KMT2C: variants seen among roughly 807,000 people sequenced by gnomAD.
KMT2C encodes histone-lysine N-methyltransferase 2C.
Under a neutral mutation model 507.9 loss-of-function variants are expected in KMT2C, and 88 were observed. The ratio of observed to expected loss-of-function variants is 0.17; its 90% CI spans 0.15 to 0.21. The LOEUF (loss-of-function observed/expected upper bound fraction) is 0.21. Among genes scored for constraint, KMT2C ranks in the 10% least tolerant of loss-of-function variants. The probability of loss-of-function intolerance (pLI) is 1.00; values close to 1 mark genes in which losing one functional copy is unlikely to be tolerated. For missense variants in KMT2C, 4,954 were observed against 5,957.8 expected (o/e 0.83, Z 5.55); for synonymous variants, 2,049 against 2,080.8 (o/e 0.98, Z 0.42).
chr7:152,420,277 AC>A (rs1278682760), intron 1 of KMT2C, among the ~76,000 whole-genome samples: 1 of 152,164 alleles, frequency 6.6e-6, no homozygotes, highest in African/African-American at 2.4e-5. Context: ...TAACACCCAC[AC>A]CGATCTGTGA....
intron 23 of KMT2C, among the ~76,000 whole-genome samples, chr7:152,214,441 G>A (rs1588270822): frequency 6.6e-6 from 1 of 152,126 alleles, no homozygotes; most frequent in African/African-American, 2.4e-5. Context: ...TGGGAACTGA[G>A]ACGTTAAGCT....
At chr7:152,307,831 C>T (rs756771929) in intron 6 of KMT2C, among the ~76,000 whole-genome samples, 15 of 152,138 alleles carry the variant, frequency 9.9e-5, no homozygotes, top group Non-Finnish European at 1.8e-4. Context: ...AATACATACA[C>T]CTACATTTCT....
intron 46 of KMT2C, 43 bp downstream of exon 46, chr7:152,155,867 G>A (rs2092012797): frequency 6.5e-7 from 1 of 1,542,814 alleles, no homozygotes; most frequent in South Asian, 1.2e-5. Flanking sequence ...TTTTTTAAAA[G>A]AAGAAATAAC....
In KMT2C at chr7:152,177,043, G is replaced by A. The variant is rs1302666151; in HGVS notation, c.8410C>T (p.Leu2804=). The change falls in exon 38 of 59, where the codon CTG becomes TTG. Residue 2804 remains leucine (L), a synonymous_variant. Coordinates refer to ENST00000262189, the MANE Select transcript of KMT2C (RefSeq NM_170606.3). ...GGTGAATGTTTATCAGAGAGAACCAGAGTTTTGTTTTCTTGTTCCTTTTTT... is the reference window on the plus strand; with the variant it reads ...GGTGAATGTTTATCAGAGAGAACCAAAGTTTTGTTTTCTTGTTCCTTTTTT... The part of the protein sequence containing the change: ...PKKKEQENKT[L]VLSDKHSPQK... The A allele has an allele frequency of 1.2e-6, 2 of 1,612,924 alleles. No individual in the cohort carries two copies. The highest frequency in any genetic ancestry group is 1.3e-5 in the African/African-American group (1 of 74,914).
chr7:152,255,106 CACTTATATATATATAT>C (rs2095623587), intron 9 of KMT2C, among the ~76,000 whole-genome samples: 2 of 75,476 alleles, frequency 2.6e-5, no homozygotes, highest in African/African-American at 1.1e-4. Flanking sequence ...AATCAACTCT[CACTTATATATATATAT>C]ATATATATAT....
intron 1 of KMT2C, among the ~76,000 whole-genome samples, chr7:152,424,877 T>C (rs1201146186): frequency 6.6e-6 from 1 of 152,164 alleles, no homozygotes; most frequent in African/African-American, 2.4e-5. Flanking sequence ...TCCAGCAAGG[T>C]ATGACAGCTT....
chr7:152,249,952 C>T lies in KMT2C; in HGVS notation c.1737G>A (p.Ala579=), dbSNP rs1317991358. Residue 579 remains alanine (A), a splice_region_variant and synonymous_variant, in exon 13 of 59, where the codon GCG becomes GCA. Transcript: ENST00000262189. ...GTTGCTCTTCAGTGTGGACTTGAACCGCTGTGAGTAACACATTTATAAAAT... is the reference window on the plus strand; with the variant it reads ...GTTGCTCTTCAGTGTGGACTTGAACTGCTGTGAGTAACACATTTATAAAAT... ...QESTPGIVPD[A]VQVHTEEQQK... 14 of 1,601,520 alleles carry T rather than the reference C, an allele frequency of 8.7e-6. No homozygotes were observed. Among genetic ancestry groups the T allele is most frequent in the East Asian group, 4.5e-5 (2 of 44,698 alleles).
intron 1 of KMT2C, among the ~76,000 whole-genome samples, chr7:152,369,465 C>T (rs971373924): frequency 6.6e-6 from 1 of 152,142 alleles, no homozygotes; most frequent in East Asian, 1.9e-4. Flanking sequence ...AAAACTAACA[C>T]ACACAAAAAA....
intron 7 of KMT2C, among the ~76,000 whole-genome samples, chr7:152,272,114 T>C (rs1022002357): frequency 1.3e-5 from 2 of 152,168 alleles, no homozygotes; most frequent in South Asian, 2.1e-4. Flanking sequence ...ATAAGTCTAT[T>C]TTGGAAAAAG....
chr7:152,218,938 T>C (rs2094673839), intron 23 of KMT2C, among the ~76,000 whole-genome samples: 1 of 152,010 alleles, frequency 6.6e-6, no homozygotes, highest in South Asian at 2.1e-4. Flanking sequence ...TTTCTGTTCA[T>C]ATGGACCCTA....
At chr7:152,210,270 G>A (rs557816806) in intron 23 of KMT2C, among the ~76,000 whole-genome samples, 150 of 152,246 alleles carry the variant, frequency 9.9e-4, no homozygotes, top group Non-Finnish European at 1.7e-3. Flanking sequence ...CAAATGGTCA[G>A]CACAAATCAC....
At chr7:152,238,423 A>G (rs2095325020) in intron 15 of KMT2C, among the ~76,000 whole-genome samples, 1 of 152,240 alleles carries the variant, frequency 6.6e-6, no homozygotes, top group Admixed American at 6.5e-5. Context: ...TGATATCATG[A>G]ATGAAAAGGT....
intron 26 of KMT2C, among the ~76,000 whole-genome samples, chr7:152,202,159 G>A (rs146531386): frequency 1.3e-5 from 2 of 152,322 alleles, no homozygotes; most frequent in African/African-American, 4.8e-5. Context: ...ATGAATAGTT[G>A]TCTACAATGA....
At chr7:152,224,391 C>T (rs1458522782) in intron 19 of KMT2C, 44 bp downstream of exon 19, 2 of 1,576,870 alleles carry the variant, frequency 1.3e-6, no homozygotes, top group Non-Finnish European at 1.7e-6. Context: ...TATGAGAAAG[C>T]TCTGAACTTG....
At chr7:152,156,900 C>T (rs1350548592) in intron 44 of KMT2C, among the ~76,000 whole-genome samples, 3 of 152,128 alleles carry the variant, frequency 2.0e-5, no homozygotes, top group Non-Finnish European at 4.4e-5. Flanking sequence ...CCTCTTCAGA[C>T]ACCTCTCCCA....
chr7:152,387,469 A>ATTTTTTTTTTTTTT (rs34278604), intron 1 of KMT2C, among the ~76,000 whole-genome samples: 1 of 115,706 alleles, frequency 8.6e-6, no homozygotes, highest in Non-Finnish European at 1.8e-5. Flanking sequence ...GTATAATTCC[A>ATTTTTTTTTTTTTT]TTTTTTTTTT....
rs2129124728 is a variant in KMT2C, at chr7:152,187,420, G to A, written c.4850C>T (p.Ser1617Leu). ...MASDPNNSWT[S>L]SAPTVEGEND... ...TTCTCCTTCCACAGTGGGAGCTGAT[G>A]ATGTCCAAGAGTTGTTAGGATCACT... The change falls in exon 33 of 59, where the codon TCA becomes TTA. Residue 1617 changes from serine (S) to leucine (L), a missense_variant. By Grantham distance (145) the Ser-to-Leu change is moderately radical. Coordinates refer to ENST00000262189, the MANE Select transcript of KMT2C (RefSeq NM_170606.3). 1 of 1,614,102 alleles carries A rather than the reference G, an allele frequency of 6.2e-7. No individual in the cohort carries two copies. The highest frequency in any genetic ancestry group is 8.5e-7 in the Non-Finnish European group (1 of 1,179,980).
intron 6 of KMT2C, among the ~76,000 whole-genome samples, chr7:152,281,346 TAA>T (rs2096204642): frequency 6.6e-6 from 1 of 151,740 alleles, no homozygotes; most frequent in African/African-American, 2.4e-5. Context: ...AAGGAAGACA[TAA>T]GTTAGCCAAT....
intron 39 of KMT2C, among the ~76,000 whole-genome samples, chr7:152,172,147 T>C (rs942252802): frequency 9.8e-5 from 15 of 152,340 alleles, no homozygotes; most frequent in Admixed American, 4.6e-4. Flanking sequence ...AGGTTTTTCA[T>C]TGATCTGTCA....
Sources: allele counts gnomAD v4.1 joint callset (sites outside exome capture counted in the v4.1 genomes callset), GRCh38; gene constraint gnomAD v4.1.1; transcripts MANE v1.5; gene names NCBI Gene and HGNC (gene_info 2026-07-23, HGNC 2026-07-21).